The following LSAMP variants were observed in gnomAD, a reference collection of about 807,000 sequenced individuals.
LSAMP encodes limbic system-associated membrane protein.
In LSAMP, 7 loss-of-function variants were observed where a neutral mutation model predicts 38.6. That is an observed-to-expected ratio of 0.18 (90% CI 0.10 to 0.34). The LOEUF (loss-of-function observed/expected upper bound fraction) is 0.34, where lower values mean the gene tolerates loss of function less well. LSAMP is among the 10% of genes least tolerant of loss of function. The pLI, the probability that LSAMP is intolerant of heterozygous loss-of-function variation, is 1.00. For missense variants in LSAMP, 313 were observed against 420.0 expected (o/e 0.75, Z 2.23); for synonymous variants, 154 against 166.8 (o/e 0.92, Z 0.59).
chr3:116,031,601 G>T, intron 2 of LSAMP, among the ~76,000 whole-genome samples: 1 of 85,278 alleles, frequency 1.2e-5, no homozygotes, highest in African/African-American at 4.5e-5. Flanking sequence ...GTTGCTTAAG[G>T]CATACAGTGT....
chr3:116,163,902 A>G (rs1251566979), intron 1 of LSAMP, among the ~76,000 whole-genome samples: 1 of 152,196 alleles, frequency 6.6e-6, no homozygotes, highest in Non-Finnish European at 1.5e-5. Context: ...GATCACACAT[A>G]TATAATCTGG....
chr3:116,031,370 G>A (rs1940917743), intron 2 of LSAMP, among the ~76,000 whole-genome samples: 1 of 151,828 alleles, frequency 6.6e-6, no homozygotes, highest in African/African-American at 2.4e-5. Flanking sequence ...CCAGCAGGAG[G>A]TTATCATGAA....
rs144203242 is a variant in LSAMP at position 115,824,235 on chromosome 3, G to C, written c.920-13821C>G. Among the ~76,000 whole-genome samples, 616 of 152,312 alleles carry C rather than the reference G, an allele frequency of 4.0e-3. 10 individuals are homozygous for C. Among genetic ancestry groups the C allele is most frequent in the East Asian group, 0.033 (173 of 5,184 alleles). On this transcript the variant is annotated intron_variant, in intron 6 of 6. Coordinates refer to ENST00000490035, the MANE Select transcript of LSAMP (RefSeq NM_002338.5). ...CCCAGAAGTAAATTTATTTGGATCA[G>C]CTGTCAGTAAGGTACTCAGGACTAG... is the stretch of plus-strand genomic sequence containing the variant.
At chr3:115,994,099 C>T (rs1348042440) in intron 3 of LSAMP, among the ~76,000 whole-genome samples, 1 of 152,062 alleles carries the variant, frequency 6.6e-6, no homozygotes, top group African/African-American at 2.4e-5. Context: ...TAACCACTGA[C>T]AACCTGGCAT....
chr3:116,023,844 A>T (rs1652396845), intron 2 of LSAMP, among the ~76,000 whole-genome samples: 1 of 152,158 alleles, frequency 6.6e-6, no homozygotes, highest in South Asian at 2.1e-4. Context: ...CTCCATTTGC[A>T]TTGCATCATC....
chr3:116,035,764 G>A (rs1404237045), intron 2 of LSAMP, among the ~76,000 whole-genome samples: 1 of 152,132 alleles, frequency 6.6e-6, no homozygotes, highest in East Asian at 1.9e-4. Flanking sequence ...AACTTTCAAT[G>A]TGCTTCTGAA....
intron 1 of LSAMP, among the ~76,000 whole-genome samples, chr3:116,167,089 C>T (rs1710076088): frequency 6.6e-6 from 1 of 151,936 alleles, no homozygotes; most frequent in African/African-American, 2.4e-5. Context: ...CTGCGCCTGG[C>T]CCTAAAATTT....
At chr3:116,204,966 G>A (rs1444199629) in intron 1 of LSAMP, among the ~76,000 whole-genome samples, 4 of 144,044 alleles carry the variant, frequency 2.8e-5, no homozygotes, top group Admixed American at 1.4e-4. Context: ...TATGGGGATG[G>A]CATTGAATCT....
intron 2 of LSAMP, among the ~76,000 whole-genome samples, chr3:116,060,180 A>G (rs1941567647): frequency 6.9e-6 from 1 of 145,262 alleles, no homozygotes; most frequent in African/African-American, 2.6e-5. Context: ...CTCTTGCCTA[A>G]GTCTTTAAAG....
rs561695497 is a variant in LSAMP, at chr3:116,045,916, T to C, written c.389-26276A>G. 2.6e-5 allele frequency among the ~76,000 whole-genome samples: 4 copies of C among 152,280 alleles called. No individual in the cohort carries two copies. The East Asian group carries it at 7.7e-4, about 29-fold the overall frequency. On this transcript the variant is annotated intron_variant, in intron 2 of 6. Coordinates refer to ENST00000490035, the MANE Select transcript of LSAMP (RefSeq NM_002338.5). ...AAATAACCTAGGCTCAATTTTAAAC[T>C]CCCCAAAGTTTCATAGCTTACAGGG...
At chr3:116,130,020 C>T (rs915289798) in intron 1 of LSAMP, among the ~76,000 whole-genome samples, 1 of 152,168 alleles carries the variant, frequency 6.6e-6, no homozygotes, top group African/African-American at 2.4e-5. Flanking sequence ...AGAATCCAAA[C>T]ATAAAGACGA....
intron 1 of LSAMP, among the ~76,000 whole-genome samples, chr3:116,185,263 C>T (rs1710586847): frequency 1.3e-5 from 2 of 151,942 alleles, no homozygotes; most frequent in Admixed American, 6.6e-5. Context: ...TAGTTAGTTA[C>T]TTACCTCATC....
intron 2 of LSAMP, among the ~76,000 whole-genome samples, chr3:116,052,733 C>T (rs1249895679): frequency 6.6e-6 from 1 of 152,194 alleles, no homozygotes. Flanking sequence ...AGAGGGCCTG[C>T]ACTCATCCAT....
chr3:116,132,114 C>A (rs1709148231), intron 1 of LSAMP, among the ~76,000 whole-genome samples: 1 of 152,102 alleles, frequency 6.6e-6, no homozygotes, highest in South Asian at 2.1e-4. Flanking sequence ...GGGCATGAGC[C>A]ACCGTGCCTG....
At chr3:115,889,345 C>T (rs1038090416) in intron 3 of LSAMP, among the ~76,000 whole-genome samples, 6 of 151,900 alleles carry the variant, frequency 3.9e-5, no homozygotes, top group Non-Finnish European at 1.5e-5. Flanking sequence ...GACCTATGAA[C>T]TCATAAGAAT....
At chr3:116,088,740 A>C (rs7637650) in intron 1 of LSAMP, among the ~76,000 whole-genome samples, 38,983 of 152,104 alleles carry the variant, frequency 0.26, 6,805 homozygotes, top group African/African-American at 0.5. Flanking sequence ...GCCTCTTAGC[A>C]CCAAATATGG....
At chr3:116,147,156 C>T (rs1447468818) in intron 1 of LSAMP, among the ~76,000 whole-genome samples, 1 of 151,892 alleles carries the variant, frequency 6.6e-6, no homozygotes, top group Non-Finnish European at 1.5e-5. Flanking sequence ...CATACCTATG[C>T]TAAGCTTGAC....
intron 1 of LSAMP, among the ~76,000 whole-genome samples, chr3:116,279,707 G>A (rs931049351): frequency 6.6e-6 from 1 of 152,108 alleles, no homozygotes; most frequent in Non-Finnish European, 1.5e-5. Context: ...GCTGACTGCT[G>A]AGTATATATT....
intron 3 of LSAMP, among the ~76,000 whole-genome samples, chr3:115,965,934 A>G (rs538823926): frequency 3.3e-5 from 5 of 152,286 alleles, no homozygotes; most frequent in Admixed American, 1.3e-4. Flanking sequence ...AAATTAGTAG[A>G]ACCACTGTGG....
Sources: gnomAD v4.1 joint callset for allele counts (sites outside exome capture counted in the v4.1 genomes callset) on GRCh38, gnomAD v4.1.1 for gene constraint, MANE v1.5 for transcripts, NCBI Gene and HGNC (gene_info 2026-07-23, HGNC 2026-07-21) for gene names.